STK38: variants seen among roughly 807,000 people sequenced by gnomAD.
STK38 encodes serine/threonine kinase 38.
In STK38, 26 loss-of-function variants were observed where a neutral mutation model predicts 59.0. The observed-to-expected ratio is 0.44, with a 90% CI of 0.32 to 0.61. STK38 has a LOEUF of 0.61. Ranked by LOEUF, STK38 falls within the 20% of genes least tolerant of loss-of-function variation. The probability of loss-of-function intolerance (pLI) is 0.04; values close to 1 mark genes in which losing one functional copy is unlikely to be tolerated. For synonymous variants in STK38, 175 were observed against 176.6 expected (o/e 0.99, Z 0.07); for missense variants, 433 against 566.0 (o/e 0.76, Z 2.38).
At chr6:36,497,937 T>TA in intron 11 of STK38, 62 bp from the exon 12 acceptor site, 16 of 1,045,686 alleles carry the variant, frequency 1.5e-5, no homozygotes, top group Non-Finnish European at 2.1e-5. Flanking sequence ...AGAAAAACTT[T>TA]CTTTTTTTTT....
intron 1 of STK38, 56 bp downstream of exon 1, chr6:36,547,134 G>C (rs985504300): frequency 6.5e-6 from 1 of 153,594 alleles, no homozygotes; most frequent in African/African-American, 2.4e-5. Context: ...TGGGGAAGGA[G>C]GAGATAAAGG....
At chr6:36,545,484 C>T (rs1427911441) in intron 1 of STK38, among the ~76,000 whole-genome samples, 3 of 152,050 alleles carry the variant, frequency 2.0e-5, no homozygotes, top group African/African-American at 7.2e-5. Flanking sequence ...TGTTTTTCAA[C>T]TTTTAGAGTT....
chr6:36,498,518 C>G (rs1444559064), intron 10 of STK38, 32 bp from the exon 11 acceptor site: 2 of 1,588,354 alleles, frequency 1.3e-6, no homozygotes, highest in Non-Finnish European at 8.5e-7. Flanking sequence ...GGAGCTTTTA[C>G]ACTCCAGAAC....
intron 5 of STK38, among the ~76,000 whole-genome samples, chr6:36,520,001 C>T (rs1037465143): frequency 2.6e-5 from 4 of 152,142 alleles, no homozygotes; most frequent in African/African-American, 9.7e-5. Flanking sequence ...AACAATTTTG[C>T]CTCTGTACCT....
intron 2 of STK38, among the ~76,000 whole-genome samples, chr6:36,528,417 GT>G (rs959755088): frequency 2.0e-4 from 30 of 152,192 alleles, no homozygotes; most frequent in African/African-American, 7.0e-4. Flanking sequence ...CTAGAATGAA[GT>G]GAATAGAGCT....
Position 36,521,817 on chromosome 6 carries a change from C to T in STK38, c.307G>A (p.Val103Ile). ...GTATCTTTCTTCTGAACAAGCCGTA[C>T]CTAAAAAGTTATAAAAGAAATGCCA... ...KVIGRGAFGE[V>I]RLVQKKDTGH... Residue 103 changes from valine (V) to isoleucine (I), a missense_variant and splice_region_variant, in exon 5 of 14, where the codon GTA (valine) becomes ATA (isoleucine). Around this residue, in one of 3 missense-constraint regions of STK38, gnomAD observed 293 missense variants for 388.2 expected, o/e 0.75. Transcript: ENST00000229812. 1.2e-6 allele frequency: 2 copies of T among 1,608,980 alleles called. No homozygotes were observed. The highest frequency in any genetic ancestry group is 1.7e-6 in the Non-Finnish European group (2 of 1,178,706).
chr6:36,526,220 GTTTT>G (rs60509165), intron 2 of STK38, among the ~76,000 whole-genome samples: 1,888 of 130,470 alleles, frequency 0.014, 48 homozygotes, highest in African/African-American at 0.047. Flanking sequence ...GGTTTTGGGT[GTTTT>G]TTTTTTTTTT....
At chr6:36,542,271 T>C (rs1259237868) in intron 1 of STK38, among the ~76,000 whole-genome samples, 1 of 152,340 alleles carries the variant, frequency 6.6e-6, no homozygotes, top group East Asian at 1.9e-4. Flanking sequence ...CTTAAGGTAT[T>C]TGATAAATGT....
intron 2 of STK38, among the ~76,000 whole-genome samples, chr6:36,536,755 C>T (rs967254076): frequency 9.2e-5 from 14 of 151,874 alleles, no homozygotes; most frequent in Non-Finnish European, 1.6e-4. Flanking sequence ...GGGCTGGTCT[C>T]GAACTCCTGA....
chr6:36,500,758 C>CAAAA (rs753008721), intron 9 of STK38, among the ~76,000 whole-genome samples: 2 of 58,414 alleles, frequency 3.4e-5, no homozygotes, highest in Admixed American at 1.9e-4. Context: ...GACTCTGTCT[C>CAAAA]AAAAAAAAAA....
chr6:36,546,182 C>A (rs951834073), intron 1 of STK38, among the ~76,000 whole-genome samples: 1 of 152,178 alleles, frequency 6.6e-6, no homozygotes. Flanking sequence ...ATATTCTTCC[C>A]CCATTTCATG....
intron 1 of STK38, among the ~76,000 whole-genome samples, chr6:36,543,605 C>G (rs76926220): frequency 0.024 from 3,583 of 152,078 alleles, 57 homozygotes; most frequent in Non-Finnish European, 0.036. Context: ...TACTACCCCC[C>G]ACAGCTGCAG....
At chr6:36,510,894 A>G (rs140343634) in intron 7 of STK38, among the ~76,000 whole-genome samples, 36 of 152,340 alleles carry the variant, frequency 2.4e-4, no homozygotes, top group African/African-American at 6.3e-4. Context: ...GAGAGTACAG[A>G]TATCTTTCTG....
intron 12 of STK38, among the ~76,000 whole-genome samples, chr6:36,497,041 T>C (rs1460963386): frequency 2.0e-5 from 3 of 152,122 alleles, no homozygotes; most frequent in African/African-American, 2.4e-5. Flanking sequence ...GAAAGAAAGA[T>C]AAGAATAACT....
intron 7 of STK38, among the ~76,000 whole-genome samples, chr6:36,513,870 A>G (rs1402477574): frequency 6.8e-6 from 1 of 146,552 alleles, no homozygotes; most frequent in African/African-American, 2.5e-5. Context: ...AAAAAAAAAA[A>G]AAAGGCCAGG....
At chr6:36,515,730 A>G (rs1777235711) in intron 6 of STK38, among the ~76,000 whole-genome samples, 1 of 152,186 alleles carries the variant, frequency 6.6e-6, no homozygotes, top group Admixed American at 6.5e-5. Flanking sequence ...TTTCTATTTT[A>G]CTTTTGAGAG....
chr6:36,512,209 G>A (rs539690462), intron 7 of STK38, among the ~76,000 whole-genome samples: 190 of 152,304 alleles, frequency 1.2e-3, no homozygotes, highest in Non-Finnish European at 2.3e-3. Flanking sequence ...TACATTTTTA[G>A]GACTATAATC....
chr6:36,502,793 A>T (rs937627230), intron 9 of STK38, among the ~76,000 whole-genome samples: 2 of 152,162 alleles, frequency 1.3e-5, no homozygotes, highest in African/African-American at 4.8e-5. Context: ...TCTGCTTTTA[A>T]AAAGAATTTT....
At chr6:36,535,009 T>C (rs1777753373) in intron 2 of STK38, among the ~76,000 whole-genome samples, 1 of 152,180 alleles carries the variant, frequency 6.6e-6, no homozygotes, top group Admixed American at 6.5e-5. Context: ...GTTATATGTC[T>C]ATATATTAGC....
Sources: allele counts gnomAD v4.1 joint callset (sites outside exome capture counted in the v4.1 genomes callset), GRCh38; gene constraint gnomAD v4.1.1; regional missense constraint gnomAD v4.1.1; transcripts MANE v1.5; gene names NCBI Gene and HGNC (gene_info 2026-07-23, HGNC 2026-07-21).